Variants in JARID2 observed in about 807,000 individuals in gnomAD.
The protein encoded by JARID2 is protein Jumonji.
JARID2 carries 21 observed loss-of-function variants against 125.6 expected under a neutral mutation model. The observed-to-expected ratio is 0.17, with a 90% CI of 0.12 to 0.24. The LOEUF is 0.24. Ranked by LOEUF, JARID2 falls within the 10% of genes least tolerant of loss-of-function variation. JARID2 has a pLI of 1.00. For synonymous variants in JARID2, 736 were observed against 661.6 expected, an observed-to-expected ratio of 1.11 and a Z score of -1.73; for missense variants, 1,303 against 1,639.6, an observed-to-expected ratio of 0.79 and a Z score of 3.55.
At chr6:15,504,854 C>T (rs944294465) in intron 9 of JARID2, among the ~76,000 whole-genome samples, 1 of 152,176 alleles carries the variant, frequency 6.6e-6, no homozygotes, top group African/African-American at 2.4e-5. Context: ...GGGCACGTCC[C>T]CTGCTCCCCG....
chr6:15,415,278 A>C (rs983260154), intron 3 of JARID2, among the ~76,000 whole-genome samples: 1 of 151,996 alleles, frequency 6.6e-6, no homozygotes, highest in African/African-American at 2.4e-5. Flanking sequence ...CCCCCTTTCT[A>C]TTCCACAAAA....
rs778180360 is a variant in JARID2 at position 15,248,217 on chromosome 6, G to C, written c.45+1633G>C. 3.1e-3 allele frequency: 1,147 copies of C among 371,334 alleles called. 4 individuals are homozygous for C. Among genetic ancestry groups the C allele is most frequent in the Non-Finnish European group, 3.5e-3 (947 of 272,624 alleles). 23.0% of individuals were successfully genotyped at this position (371,334 alleles called of 1,614,324 possible). Reference sequence around the variant, plus strand: ...TTCCCGACGTCCTCGAGCCGGCTGCGAAAGGGACGGCCCGCGGGGGTCGCG... The same window carrying C: ...TTCCCGACGTCCTCGAGCCGGCTGCCAAAGGGACGGCCCGCGGGGGTCGCG... On this transcript the variant is annotated intron_variant, in intron 1 of 17. Coordinates refer to ENST00000341776, the MANE Select transcript of JARID2 (RefSeq NM_004973.4).
intron 1 of JARID2, among the ~76,000 whole-genome samples, chr6:15,281,018 C>T (rs1760729259): frequency 6.6e-6 from 1 of 152,158 alleles, no homozygotes; most frequent in Admixed American, 6.6e-5. Context: ...GAAATCCAAG[C>T]AGGTATCACA....
intron 2 of JARID2, among the ~76,000 whole-genome samples, chr6:15,401,615 A>G (rs2127556060): frequency 6.6e-6 from 1 of 152,360 alleles, no homozygotes; most frequent in South Asian, 2.1e-4. Context: ...GCATGCAAAT[A>G]GATCCTGAGA....
intron 1 of JARID2, among the ~76,000 whole-genome samples, chr6:15,286,298 GT>G (rs1760996995): frequency 6.7e-6 from 1 of 149,974 alleles, no homozygotes; most frequent in Non-Finnish European, 1.5e-5. Flanking sequence ...TGTCACCCGA[GT>G]TGGAGTGCAG....
intron 1 of JARID2, among the ~76,000 whole-genome samples, chr6:15,282,685 A>C (rs1019252671): frequency 6.6e-6 from 1 of 151,752 alleles, no homozygotes; most frequent in Non-Finnish European, 1.5e-5. Flanking sequence ...GCTCACCGCA[A>C]CCTCCACCTC....
At chr6:15,506,190 G>T (rs1230790783) in intron 9 of JARID2, among the ~76,000 whole-genome samples, 4 of 152,216 alleles carry the variant, frequency 2.6e-5, no homozygotes, top group Admixed American at 6.5e-5. Context: ...ACAGCCCCTG[G>T]AGTTGGCCAC....
At chr6:15,296,161 T>G (rs1761405005) in intron 1 of JARID2, among the ~76,000 whole-genome samples, 1 of 152,214 alleles carries the variant, frequency 6.6e-6, no homozygotes, top group Non-Finnish European at 1.5e-5. Context: ...CAAACACCAG[T>G]GCCTTGGTCA....
At chr6:15,280,919 G>A (rs991258327) in intron 1 of JARID2, among the ~76,000 whole-genome samples, 9 of 152,226 alleles carry the variant, frequency 5.9e-5, no homozygotes, top group East Asian at 5.8e-4. Context: ...ATGAGCCACC[G>A]TGCCTGGCCA....
intron 1 of JARID2, among the ~76,000 whole-genome samples, chr6:15,297,762 G>A (rs142293312): frequency 1.2e-4 from 19 of 152,006 alleles, no homozygotes; most frequent in African/African-American, 4.6e-4. Flanking sequence ...TTCAGACTTC[G>A]TTTCCCACAA....
intron 4 of JARID2, among the ~76,000 whole-genome samples, chr6:15,459,468 CTTT>C (rs1176168342): frequency 6.6e-6 from 1 of 152,156 alleles, no homozygotes; most frequent in Non-Finnish European, 1.5e-5. Context: ...GCAACCGTCC[CTTT>C]TTTTACCTGA....
chr6:15,258,236 G>T (rs908988956), intron 1 of JARID2, among the ~76,000 whole-genome samples: 2 of 152,158 alleles, frequency 1.3e-5, no homozygotes, highest in African/African-American at 4.8e-5. Context: ...TTGAAAATAC[G>T]ACATTGCCCT....
intron 4 of JARID2, among the ~76,000 whole-genome samples, chr6:15,465,000 T>A (rs745623698): frequency 1.8e-4 from 28 of 152,226 alleles, no homozygotes; most frequent in Non-Finnish European, 3.4e-4. Context: ...AGAATTGCCC[T>A]TATTCCTCAC....
At chr6:15,276,942 A>G (rs780489873) in intron 1 of JARID2, among the ~76,000 whole-genome samples, 12 of 152,178 alleles carry the variant, frequency 7.9e-5, no homozygotes, top group East Asian at 1.9e-4. Flanking sequence ...GGTATACCAT[A>G]TGGACCAGGG....
chr6:15,261,347 C>A (rs1159176550), intron 1 of JARID2, among the ~76,000 whole-genome samples: 1 of 132,822 alleles, frequency 7.5e-6, no homozygotes, highest in African/African-American at 3.0e-5. Context: ...CGGAGTCTTG[C>A]TCTGTGGCCT....
intron 1 of JARID2, among the ~76,000 whole-genome samples, chr6:15,361,010 C>T (rs944307889): frequency 6.6e-6 from 1 of 152,200 alleles, no homozygotes; most frequent in African/African-American, 2.4e-5. Context: ...CGATTAAAAC[C>T]ACCCAACTAC....
chr6:15,316,355 A>G (rs367842037), intron 1 of JARID2, among the ~76,000 whole-genome samples: 2 of 152,300 alleles, frequency 1.3e-5, no homozygotes, highest in South Asian at 2.1e-4. Flanking sequence ...CGTTACGGAC[A>G]TGAGCCACCA....
At chr6:15,505,582 G>C (rs1200409980) in intron 9 of JARID2, among the ~76,000 whole-genome samples, 1 of 152,180 alleles carries the variant, frequency 6.6e-6, no homozygotes, top group Non-Finnish European at 1.5e-5. Flanking sequence ...CCAGCCCTGT[G>C]GCCCACCCCT....
intron 1 of JARID2, among the ~76,000 whole-genome samples, chr6:15,257,489 G>A (rs527376724): frequency 1.5e-4 from 23 of 152,314 alleles, no homozygotes; most frequent in Admixed American, 8.5e-4. Context: ...CTTCAAGGCC[G>A]TTGGTTGATA....
Sources: gnomAD v4.1 joint callset for allele counts (sites outside exome capture counted in the v4.1 genomes callset) on GRCh38, gnomAD v4.1.1 for gene constraint, MANE v1.5 for transcripts, NCBI Gene and HGNC (gene_info 2026-07-23, HGNC 2026-07-21) for gene names.